Variants in GLIS3 observed in about 807,000 individuals in gnomAD.
The protein encoded by GLIS3 is zinc finger protein GLIS3.
A neutral mutation model predicts 78.6 loss-of-function variants in GLIS3; 53 were observed. The ratio of observed to expected loss-of-function variants is 0.67; its 90% CI spans 0.54 to 0.85. The LOEUF is 0.85. Ranked by LOEUF, GLIS3 falls within the 40% of genes least tolerant of loss-of-function variation. The pLI is 0.00. For missense variants in GLIS3, 1,703 were observed against 1,231.1 expected, an observed-to-expected ratio of 1.38 and a Z score of -5.74; for synonymous variants, 684 against 509.9, an observed-to-expected ratio of 1.34 and a Z score of -4.60.
chr9:4,270,051 A>G (rs12238142), intron 2 of GLIS3, among the ~76,000 whole-genome samples: 34,259 of 152,198 alleles, frequency 0.23, 3,995 homozygotes, highest in Admixed American at 0.25. Context: ...ACAGACGTGC[A>G]TTCCCACCCT....
At chr9:4,391,081 T>C in the GLIS3 span, among the ~76,000 whole-genome samples, 9 of 152,158 alleles carry the variant, frequency 5.9e-5, no homozygotes, top group African/African-American at 2.2e-4. Flanking sequence ...TTTCTATCTC[T>C]GCCCACCATC....
At chr9:3,897,473 G>A (rs891137187) in intron 7 of GLIS3, among the ~76,000 whole-genome samples, 1 of 152,066 alleles carries the variant, frequency 6.6e-6, no homozygotes, top group African/African-American at 2.4e-5. Context: ...ATTTATGTAT[G>A]TGTTGGTAAC....
chr9:4,132,512 T>C (rs1586762159), intron 2 of GLIS3, among the ~76,000 whole-genome samples: 1 of 152,124 alleles, frequency 6.6e-6, no homozygotes, highest in African/African-American at 2.4e-5. Context: ...GGAACAAGAA[T>C]GAAATATATC....
intron 9 of GLIS3, among the ~76,000 whole-genome samples, chr9:3,836,513 T>A (rs1393127095): frequency 6.6e-6 from 1 of 152,190 alleles, no homozygotes; most frequent in Non-Finnish European, 1.5e-5. Flanking sequence ...CACTCTCCTT[T>A]GCCTTCAGAT....
rs890728986 is a variant in GLIS3 at position 4,001,044 on chromosome 9, G to A, written c.1711-63855C>T. Among the ~76,000 whole-genome samples the A allele has an allele frequency of 9.9e-5, 15 of 151,992 alleles. 1 individual carries two copies. The highest frequency in any genetic ancestry group is 9.6e-4 in the East Asian group (5 of 5,188). ...CAGCTCAGTTAAACCAACATTTCCC[G>A]TGTGTTAATTTTATGTCATGCACTG... On this transcript the variant is annotated intron_variant, in intron 4 of 10. Transcript: ENST00000381971.
At chr9:4,165,334 G>A (rs1239325065) in intron 2 of GLIS3, among the ~76,000 whole-genome samples, 5 of 152,104 alleles carry the variant, frequency 3.3e-5, no homozygotes, top group Admixed American at 6.5e-5. Flanking sequence ...CCAGTTACTC[G>A]GGAGGCTGAG....
chr9:4,254,754 T>A (rs1824747609), intron 2 of GLIS3, among the ~76,000 whole-genome samples: 1 of 151,174 alleles, frequency 6.6e-6, no homozygotes, highest in Non-Finnish European at 1.5e-5. Flanking sequence ...GCAGGAGAAT[T>A]GCTTGAGCCT....
intron 2 of GLIS3, among the ~76,000 whole-genome samples, chr9:4,277,976 A>C (rs1454368319): frequency 6.6e-6 from 1 of 152,248 alleles, no homozygotes; most frequent in Non-Finnish European, 1.5e-5. Context: ...TCAGTGGCTC[A>C]GATACATAGG....
At chr9:3,885,996 G>C (rs1341280286) in intron 7 of GLIS3, among the ~76,000 whole-genome samples, 1 of 152,206 alleles carries the variant, frequency 6.6e-6, no homozygotes, top group African/African-American at 2.4e-5. Context: ...GAGGATTATA[G>C]AATGAGCAGA....
chr9:4,260,382 T>C (rs1417985377), intron 2 of GLIS3, among the ~76,000 whole-genome samples: 2 of 151,990 alleles, frequency 1.3e-5, no homozygotes, highest in South Asian at 2.1e-4. Flanking sequence ...CTGGCCAACA[T>C]GGTGAAACCC....
intron 2 of GLIS3, among the ~76,000 whole-genome samples, chr9:4,318,146 C>A (rs911532941): frequency 1.3e-5 from 2 of 151,794 alleles, no homozygotes; most frequent in Non-Finnish European, 2.9e-5. Flanking sequence ...TTCTTGGGAG[C>A]CAGGGTCTTG....
intron 4 of GLIS3, among the ~76,000 whole-genome samples, chr9:4,100,192 G>A (rs1357470097): frequency 6.6e-6 from 1 of 152,202 alleles, no homozygotes; most frequent in Non-Finnish European, 1.5e-5. Flanking sequence ...AGGTGGTGTA[G>A]TATGCGGGTA....
intron 2 of GLIS3, among the ~76,000 whole-genome samples, chr9:4,228,121 C>G (rs1161510504): frequency 7.1e-6 from 1 of 140,028 alleles, no homozygotes; most frequent in Non-Finnish European, 1.5e-5. Context: ...GCCTTGTTGT[C>G]AGGGAATACA....
In GLIS3 at chr9:4,275,552, G is replaced by C. The variant is rs866164473; in HGVS notation, c.388+10486C>G. 7.9e-5 allele frequency among the ~76,000 whole-genome samples: 12 copies of C among 151,494 alleles called. No homozygotes were observed. The Middle Eastern group carries it at 0.017, about 215-fold the overall frequency. The stretch of plus-strand genomic sequence containing the variant: ...AGGTGGAAGGATCGTTTGAGCCTAG[G>C]AGTTTGAGACCATCCTGGGCAACAC... On this transcript the variant is annotated intron_variant, in intron 2 of 10. Coordinates refer to ENST00000381971, the MANE Select transcript of GLIS3 (RefSeq NM_001042413.2).
chr9:4,327,574 G>A (rs924327862), intron 2 of GLIS3, among the ~76,000 whole-genome samples: 1 of 152,056 alleles, frequency 6.6e-6, no homozygotes, highest in South Asian at 2.1e-4. Flanking sequence ...CATGAGAGAG[G>A]AGGAGGAGTC....
chr9:3,955,870 G>T (rs7022166), intron 4 of GLIS3, among the ~76,000 whole-genome samples: 2 of 151,874 alleles, frequency 1.3e-5, no homozygotes, highest in South Asian at 4.1e-4. Context: ...TCTGGGAGAA[G>T]AAAGAGTCAA....
intron 2 of GLIS3, among the ~76,000 whole-genome samples, chr9:4,193,629 C>G (rs1217142455): frequency 6.6e-6 from 1 of 152,162 alleles, no homozygotes; most frequent in Non-Finnish European, 1.5e-5. Context: ...GCTGTGGGAA[C>G]AGAGGTGATG....
chr9:4,383,062 G>A, the GLIS3 span, among the ~76,000 whole-genome samples: 1 of 152,196 alleles, frequency 6.6e-6, no homozygotes, highest in South Asian at 2.1e-4. Context: ...AACTTCAGCA[G>A]TACCAATAAC....
intron 9 of GLIS3, among the ~76,000 whole-genome samples, chr9:3,845,200 T>C (rs1174227854): frequency 6.6e-6 from 1 of 152,192 alleles, no homozygotes; most frequent in Non-Finnish European, 1.5e-5. Flanking sequence ...TAAAAAATGA[T>C]GACCTATTCT....
Sources: gnomAD v4.1 joint callset for allele counts (sites outside exome capture counted in the v4.1 genomes callset) on GRCh38, gnomAD v4.1.1 for gene constraint, MANE v1.5 for transcripts, NCBI Gene and HGNC (gene_info 2026-07-23, HGNC 2026-07-21) for gene names.